PLCE1: variants seen among roughly 807,000 people sequenced by gnomAD.
PLCE1 encodes phospholipase C epsilon 1, also known as 1-phosphatidylinositol 4,5-bisphosphate phosphodiesterase epsilon-1.
Under a neutral mutation model 242.8 loss-of-function variants are expected in PLCE1, and 119 were observed. The observed-to-expected ratio is 0.49, with a 90% CI of 0.42 to 0.57. PLCE1 has a LOEUF of 0.57. PLCE1 is among the 20% of genes least tolerant of loss of function. The pLI is 0.00. For missense variants in PLCE1, 2,441 were observed against 2,788.8 expected (o/e 0.88, Z 2.81); for synonymous variants, 945 against 1,017.4 (o/e 0.93, Z 1.35).
Position 94,166,579 on chromosome 10 carries a change from G to GGTGTGTGTGTGTGTGTGT in PLCE1, c.1493-4584_1493-4567dup, listed in dbSNP as rs56088035. On this transcript the variant is annotated intron_variant, in intron 3 of 32. Coordinates refer to ENST00000371380, the MANE Select transcript of PLCE1 (RefSeq NM_016341.4). ...CATTCTCTACCCAGAAGAGAAAAAAGGTGTGTGTGTGTGTGTGTGTGTGTG... is the reference window on the plus strand; with the variant it reads ...CATTCTCTACCCAGAAGAGAAAAAAGGTGTGTGTGTGTGTGTGTGTGTGTGTGTGTGTGTGTGTGTGTG... Among the ~76,000 whole-genome samples the GGTGTGTGTGTGTGTGTGT allele has an allele frequency of 2.7e-3, 401 of 145,956 alleles. 1 individual carries two copies. Among genetic ancestry groups the GGTGTGTGTGTGTGTGTGT allele is most frequent in the African/African-American group, 9.2e-3 (360 of 39,114 alleles).
intron 27 of PLCE1, among the ~76,000 whole-genome samples, chr10:94,309,078 T>C (rs956774585): frequency 6.6e-6 from 1 of 152,218 alleles, no homozygotes; most frequent in African/African-American, 2.4e-5. Flanking sequence ...AAGAGGCTTA[T>C]TATGCGAAGC....
At chr10:94,194,061 C>A (rs1246823093) in intron 4 of PLCE1, among the ~76,000 whole-genome samples, 1 of 152,094 alleles carries the variant, frequency 6.6e-6, no homozygotes, top group East Asian at 1.9e-4. Context: ...TAATGATATT[C>A]AAGTGGGATT....
Position 94,254,320 on chromosome 10 carries a change from G to A in PLCE1, c.3397+13G>A. 2 of 1,537,592 alleles carry A rather than the reference G, an allele frequency of 1.3e-6. No individual in the cohort carries two copies. The highest frequency in any genetic ancestry group is 1.7e-5 in the Admixed American group (1 of 59,888). ...CAAGAAGAATCAGGTAAAGCGGCAT[G>A]TTTACATCTGAGATTTTTGTTTTTT... On this transcript the variant is annotated intron_variant, in intron 10 of 32. Transcript: ENST00000371380.
At position 94,279,820 on chromosome 10, in the gene PLCE1, T is replaced by A; in HGVS notation, c.4704T>A (p.Asn1568Lys). Reference sequence around the variant, plus strand: ...CATCTATGCAAGTGCAGGCTTATAATGGTGGGAATGCCAACCCCCGACCTG... The same window carrying A: ...CATCTATGCAAGTGCAGGCTTATAAAGGTGGGAATGCCAACCCCCGACCTG... The part of the protein sequence containing the change: ...QLASMQVQAY[N>K]GGNANPRPAN... Residue 1568 changes from asparagine to lysine, a missense_variant, in exon 20 of 33, where the codon AAT becomes AAA. This residue lies in a region of PLCE1 where 1,004 missense variants were observed against 1,322.7 expected (regional missense o/e 0.76). Coordinates refer to ENST00000371380, the MANE Select transcript of PLCE1 (RefSeq NM_016341.4). 6.2e-7 allele frequency: 1 copy of A among 1,613,606 alleles called. No homozygotes were observed. The highest frequency in any genetic ancestry group is 8.5e-7 in the Non-Finnish European group (1 of 1,179,612).
intron 1 of PLCE1, among the ~76,000 whole-genome samples, chr10:94,023,738 G>A (rs1261285264): frequency 1.3e-5 from 2 of 152,060 alleles, no homozygotes; most frequent in South Asian, 2.1e-4. Context: ...AAAAATATTT[G>A]TGTAGCTTTC....
intron 2 of PLCE1, among the ~76,000 whole-genome samples, chr10:94,050,887 T>G (rs2043746399): frequency 6.6e-6 from 1 of 152,182 alleles, no homozygotes; most frequent in Non-Finnish European, 1.5e-5. Context: ...TTCATCTTTC[T>G]TCAGAAGAAA....
intron 2 of PLCE1, among the ~76,000 whole-genome samples, chr10:94,111,343 T>A (rs1564698675): frequency 2.0e-5 from 3 of 152,140 alleles, no homozygotes. Flanking sequence ...TCACTAGGAC[T>A]GAGACACCAG....
At chr10:94,162,203 A>G (rs1434857763) in intron 3 of PLCE1, among the ~76,000 whole-genome samples, 1 of 151,996 alleles carries the variant, frequency 6.6e-6, no homozygotes. Flanking sequence ...CTCTTTTCCT[A>G]TTGATTGGAA....
intron 27 of PLCE1, among the ~76,000 whole-genome samples, chr10:94,309,422 C>T (rs2053312091): frequency 1.3e-5 from 2 of 152,092 alleles, no homozygotes; most frequent in South Asian, 2.1e-4. Context: ...CCTCGACCTT[C>T]CTGGCTCAAG....
intron 3 of PLCE1, among the ~76,000 whole-genome samples, chr10:94,157,678 A>G (rs2047474942): frequency 6.6e-6 from 1 of 152,216 alleles, no homozygotes; most frequent in Non-Finnish European, 1.5e-5. Context: ...GTTCAGAGGC[A>G]TGGTTTTCTG....
At chr10:94,179,081 G>A (rs1204877771) in intron 4 of PLCE1, among the ~76,000 whole-genome samples, 1 of 152,106 alleles carries the variant, frequency 6.6e-6, no homozygotes, top group African/African-American at 2.4e-5. Context: ...CCTTGACAAA[G>A]CACATCTCCC....
intron 2 of PLCE1, among the ~76,000 whole-genome samples, chr10:94,090,354 A>T (rs1419469908): frequency 6.6e-6 from 1 of 152,146 alleles, no homozygotes; most frequent in Non-Finnish European, 1.5e-5. Flanking sequence ...AGAGCATATG[A>T]TGTTTTATGA....
In PLCE1 at chr10:94,038,143, A is replaced by G. The variant is rs116089426; in HGVS notation, c.1206+5891A>G. The stretch of plus-strand genomic sequence containing the variant: ...CCCTTTGAATGACCTCTGAAAAGTC[A>G]CGAGTCATAGAAGTGGCCCCTTCTG... On this transcript the variant is annotated intron_variant, in intron 2 of 32. Transcript: ENST00000371380. Among the ~76,000 whole-genome samples the G allele has an allele frequency of 5.1e-3, 783 of 152,202 alleles. 12 individuals carry two copies. Among genetic ancestry groups the G allele is most frequent in the African/African-American group, 0.018 (743 of 41,522 alleles).
chr10:94,176,293 G>T (rs544519501), intron 4 of PLCE1, among the ~76,000 whole-genome samples: 137 of 152,224 alleles, frequency 9.0e-4, no homozygotes, highest in Non-Finnish European at 1.7e-3. Flanking sequence ...TCAGCTACTT[G>T]GGAGGCTGAG....
At chr10:94,229,279 T>G (rs1238494016) in intron 5 of PLCE1, among the ~76,000 whole-genome samples, 2 of 152,264 alleles carry the variant, frequency 1.3e-5, no homozygotes, top group Admixed American at 1.3e-4. Flanking sequence ...AAAGTCATTT[T>G]ATTTTAATGA....
intron 4 of PLCE1, among the ~76,000 whole-genome samples, chr10:94,176,495 T>C (rs1038744430): frequency 1.4e-4 from 21 of 152,250 alleles, no homozygotes; most frequent in Admixed American, 1.2e-3. Context: ...AAATTAGCAG[T>C]ATATGGTGAA....
chr10:94,007,774 T>C (rs1212238968), intron 1 of PLCE1, among the ~76,000 whole-genome samples: 6 of 147,204 alleles, frequency 4.1e-5, no homozygotes, highest in African/African-American at 1.5e-4. Context: ...TGTATTTACA[T>C]AGTTACACAC....
At chr10:94,070,175 A>G (rs2044311723) in intron 2 of PLCE1, among the ~76,000 whole-genome samples, 1 of 152,236 alleles carries the variant, frequency 6.6e-6, no homozygotes, top group South Asian at 2.1e-4. Context: ...GGAAAAATGC[A>G]TGCCATGATA....
chr10:94,295,744 A>C (rs2133485964), intron 23 of PLCE1, among the ~76,000 whole-genome samples: 1 of 152,352 alleles, frequency 6.6e-6, no homozygotes, highest in South Asian at 2.1e-4. Flanking sequence ...TAAAAGTTCA[A>C]ATTACTCCTT....
Sources: allele counts gnomAD v4.1 joint callset (sites outside exome capture counted in the v4.1 genomes callset), GRCh38; gene constraint gnomAD v4.1.1; regional missense constraint gnomAD v4.1.1; transcripts MANE v1.5; gene names NCBI Gene and HGNC (gene_info 2026-07-23, HGNC 2026-07-21).